Variants in MTBP observed in about 807,000 individuals in gnomAD.
The protein encoded by MTBP is MDM2 binding protein, also known as mdm2-binding protein.
MTBP carries 101 observed loss-of-function variants against 117.0 expected under a neutral mutation model. The observed-to-expected ratio is 0.86, with a 90% confidence interval of 0.73 to 1.02. The LOEUF (loss-of-function observed/expected upper bound fraction) is 1.02. Ranked by LOEUF, MTBP falls within the 50% of genes least tolerant of loss-of-function variation. MTBP has a pLI of 0.00. For missense variants in MTBP, 970 were observed against 1,030.9 expected, an observed-to-expected ratio of 0.94 and a Z score of 0.81; for synonymous variants, 350 against 351.5, an observed-to-expected ratio of 1.00 and a Z score of 0.05.
chr8:120,518,690 A>T lies in MTBP; in HGVS notation c.2497-14A>T. 1 of 1,535,524 alleles carries T rather than the reference A, an allele frequency of 6.5e-7. No homozygotes were observed. The highest frequency in any genetic ancestry group is 9.0e-7 in the Non-Finnish European group (1 of 1,114,952). On this transcript the variant is annotated splice_polypyrimidine_tract_variant and intron_variant, in intron 19 of 21. Coordinates refer to ENST00000305949, the MANE Select transcript of MTBP (RefSeq NM_022045.5). ...TTCCAAGAAATATTCGTCATATGTT[A>T]TGTTCTGTTCAAGATACTGAAAGAA...
At chr8:120,454,553 G>A (rs1219071856) in intron 5 of MTBP, among the ~76,000 whole-genome samples, 3 of 152,024 alleles carry the variant, frequency 2.0e-5, no homozygotes, top group Non-Finnish European at 4.4e-5. Context: ...TTTATTGAAG[G>A]TCATTAGTAA....
At chr8:120,517,503 T>G (rs371796036) in intron 18 of MTBP, among the ~76,000 whole-genome samples, 1 of 151,998 alleles carries the variant, frequency 6.6e-6, no homozygotes, top group East Asian at 1.9e-4. Flanking sequence ...TGTTAGTTAC[T>G]CATCTGAAGA....
intron 10 of MTBP, among the ~76,000 whole-genome samples, chr8:120,464,349 C>T (rs1429656197): frequency 6.6e-6 from 1 of 151,844 alleles, no homozygotes; most frequent in Non-Finnish European, 1.5e-5. Context: ...AAATCAAATT[C>T]AGTTTCTAAT....
At position 120,445,530 on chromosome 8, in the gene MTBP, T is replaced by C. The variant is rs772425563; in HGVS notation, c.60T>C (p.Ser20=). ...WGEGKFPSAA[S]REAEHGPEVS... is the part of the protein sequence containing the mutation. ...AAGGAAAATTCCCGTCGGCGGCCAG[T>C]AGGGAGGCAGAACATGGGCCAGAGG... is the stretch of plus-strand genomic sequence containing the variant. The change falls in exon 1 of 22, where the codon AGT becomes AGC. Residue 20 remains serine (S), a synonymous_variant. Transcript: ENST00000305949. 5.0e-6 allele frequency: 8 copies of C among 1,613,188 alleles called. 1 individual carries two copies. The Admixed American group carries it at 5.0e-5, about 10-fold the overall frequency.
chr8:120,490,463 GT>G lies in MTBP; in HGVS notation c.1344del (p.Pro449LeufsTer22). On this transcript the variant is annotated frameshift_variant and splice_region_variant, in exon 13 of 22. Coordinates refer to ENST00000305949, the MANE Select transcript of MTBP (RefSeq NM_022045.5). LOFTEE classifies it high-confidence loss of function. ...MKTKTEEAKL[S>X]FPFDLLSLPH... Reference sequence around the variant, plus strand: ...ACCTTTTTTTTTTCTTATTTCTCAGGTTTTCCTTTTGACTTATTATCACTTC... The same window carrying G: ...ACCTTTTTTTTTTCTTATTTCTCAGGTTTCCTTTTGACTTATTATCACTTC... 6.3e-7 allele frequency: 1 copy of G among 1,584,256 alleles called. No individual in the cohort carries two copies.
In MTBP at chr8:120,497,422, A is replaced by G; in HGVS notation, c.1477A>G (p.Thr493Ala). The G allele has an allele frequency of 6.2e-7, 1 of 1,605,762 alleles. No individual in the cohort carries two copies. Among genetic ancestry groups the G allele is most frequent in the Non-Finnish European group, 8.5e-7 (1 of 1,177,532 alleles). Residue 493 changes from threonine (T) to alanine (A), a missense_variant, in exon 14 of 22, where the codon ACA becomes GCA. Transcript: ENST00000305949. ...KRRKLAKQPE[T>A]VSVAELKSLL... ...ACGAAAGTTGGCAAAGCAGCCTGAAACAGTTTCTGTTGCTGAACTCAAAAG... is the reference window on the plus strand; with the variant it reads ...ACGAAAGTTGGCAAAGCAGCCTGAAGCAGTTTCTGTTGCTGAACTCAAAAG...
At chr8:120,510,109 G>A (rs1002267941) in intron 17 of MTBP, 80 bp downstream of exon 17, 8 of 1,018,260 alleles carry the variant, frequency 7.9e-6, no homozygotes, top group Non-Finnish European at 2.8e-6. Flanking sequence ...TTAATAAAAT[G>A]ATATAAATTG....
intron 10 of MTBP, among the ~76,000 whole-genome samples, chr8:120,468,591 T>C (rs1563789925): frequency 2.6e-5 from 4 of 152,188 alleles, no homozygotes; most frequent in African/African-American, 7.2e-5. Flanking sequence ...GGCAAAACTT[T>C]GTAGCCCAGT....
chr8:120,475,136 G>A (rs1486519597), intron 11 of MTBP, among the ~76,000 whole-genome samples: 1 of 151,716 alleles, frequency 6.6e-6, no homozygotes, highest in Non-Finnish European at 1.5e-5. Flanking sequence ...ATAGCCATAT[G>A]ACTAGTTCCT....
chr8:120,462,267 TA>T (rs1318579184), intron 9 of MTBP, among the ~76,000 whole-genome samples: 1 of 152,198 alleles, frequency 6.6e-6, no homozygotes, highest in East Asian at 1.9e-4. Flanking sequence ...AAGCTCGAAC[TA>T]AACAAGTGGC....
intron 7 of MTBP, among the ~76,000 whole-genome samples, chr8:120,458,003 TAC>T (rs1228181325): frequency 6.6e-6 from 1 of 151,242 alleles, no homozygotes; most frequent in Non-Finnish European, 1.5e-5. Flanking sequence ...GAGTGGAAGA[TAC>T]AGTTTGCTAG....
Position 120,451,650 on chromosome 8 carries a change from A to G in MTBP, c.425+328A>G, listed in dbSNP as rs544676375. ...CAGGCTGCAGTGCAGTGGTGCAGTC[A>G]CGGCTTGCTACAGCCTAGACCTGGG... On this transcript the variant is annotated intron_variant, in intron 4 of 21. Transcript: ENST00000305949. 1.8e-3 allele frequency: 432 copies of G among 239,380 alleles called. 2 individuals carry two copies. The highest frequency in any genetic ancestry group is 9.2e-3 in the African/African-American group (397 of 43,122). 14.8% of individuals were successfully genotyped at this position (239,380 alleles called of 1,614,324 possible).
chr8:120,468,399 T>C (rs913843767), intron 10 of MTBP, among the ~76,000 whole-genome samples: 3 of 152,174 alleles, frequency 2.0e-5, no homozygotes, highest in African/African-American at 7.2e-5. Context: ...TTTTTGCCAA[T>C]GATAATTAAG....
At chr8:120,512,676 C>G (rs1814838091) in intron 17 of MTBP, among the ~76,000 whole-genome samples, 1 of 152,108 alleles carries the variant, frequency 6.6e-6, no homozygotes, top group African/African-American at 2.4e-5. Context: ...TACCTACCTA[C>G]TCCCATAAAC....
Position 120,451,262 on chromosome 8 carries a change from G to A in MTBP, c.365G>A (p.Gly122Asp), listed in dbSNP as rs1382965811. ...VLQTNIEECLGAVECFEEEDS... is the reference protein window; with the variant it reads ...VLQTNIEECLDAVECFEEEDS... ...CAAACGAATATCGAAGAATGTTTGG[G>A]TGCTGTTGAGTGTTTTGAAGAAGAA... The change falls in exon 4 of 22, where the codon GGT (glycine) becomes GAT (aspartate). Residue 122 changes from glycine (G) to aspartate (D), a missense_variant. Gly to Asp is a moderately conservative substitution (Grantham distance 94). Transcript: ENST00000305949. 1.2e-6 allele frequency: 2 copies of A among 1,612,930 alleles called. No individual in the cohort carries two copies. Among genetic ancestry groups the A allele is most frequent in the Admixed American group, 1.7e-5 (1 of 59,984 alleles).
intron 4 of MTBP, 75 bp downstream of exon 4, chr8:120,451,397 G>T: frequency 7.7e-7 from 1 of 1,298,468 alleles, no homozygotes; most frequent in Non-Finnish European, 1.1e-6. Flanking sequence ...TGAGAATGAA[G>T]ATTATATATT....
intron 11 of MTBP, among the ~76,000 whole-genome samples, chr8:120,479,609 A>G (rs1432325294): frequency 6.6e-6 from 1 of 152,220 alleles, no homozygotes; most frequent in Non-Finnish European, 1.5e-5. Context: ...AATGAATCTC[A>G]GTAAATTTAA....
chr8:120,451,454 C>A, intron 4 of MTBP, 132 bp downstream of exon 4: 1 of 691,168 alleles, frequency 1.4e-6, no homozygotes, highest in Non-Finnish European at 2.3e-6. Context: ...ATTTTTGACT[C>A]TCAATTTGGG....
At chr8:120,453,936 G>A (rs1383394630) in intron 5 of MTBP, 31 bp downstream of exon 5, 2 of 1,306,032 alleles carry the variant, frequency 1.5e-6, no homozygotes, top group Non-Finnish European at 2.2e-6. Context: ...TCAATAATTT[G>A]TATCTTATCT....
Sources: allele counts gnomAD v4.1 joint callset (sites outside exome capture counted in the v4.1 genomes callset), GRCh38; gene constraint gnomAD v4.1.1; transcripts MANE v1.5; gene names NCBI Gene and HGNC (gene_info 2026-07-23, HGNC 2026-07-21).